The following CDKL2 variants were observed in gnomAD, a reference collection of about 807,000 sequenced individuals.
CDKL2 encodes cyclin dependent kinase like 2, also known as cyclin-dependent kinase-like 2.
In CDKL2, 64 loss-of-function variants were observed where a neutral mutation model predicts 63.9. That is an observed-to-expected ratio of 1.00 (90% CI 0.82 to 1.23). The LOEUF is 1.23. Ranked by LOEUF, CDKL2 falls within the 50% of genes most tolerant of loss-of-function variation. The pLI is 0.00. For missense variants in CDKL2, 656 were observed against 668.0 expected (o/e 0.98, Z 0.20); for synonymous variants, 211 against 229.2 (o/e 0.92, Z 0.72).
chr4:75,613,768 A>G (rs1213124745), intron 3 of CDKL2, among the ~76,000 whole-genome samples: 3 of 152,162 alleles, frequency 2.0e-5, no homozygotes, highest in Non-Finnish European at 4.4e-5. Flanking sequence ...AAAGAACAGA[A>G]AATAGAGCCA....
intron 2 of CDKL2, among the ~76,000 whole-genome samples, chr4:75,621,357 A>G (rs562463430): frequency 1.3e-5 from 2 of 152,028 alleles, no homozygotes; most frequent in South Asian, 4.1e-4. Context: ...ACCAAAGAGA[A>G]AACCTTAAAA....
At position 75,598,061 on chromosome 4, in the gene CDKL2, A is replaced by G; in HGVS notation, c.1020+16T>C. On this transcript the variant is annotated intron_variant, in intron 8 of 13. Coordinates refer to ENST00000307465, the MANE Select transcript of CDKL2 (RefSeq NM_001330724.2). ...ATAAGTATATTAAATCTAAAATGTG[A>G]AACATGAACATTTACCTGTACCACA... 1 of 1,444,582 alleles carries G rather than the reference A, an allele frequency of 6.9e-7. No homozygotes were observed. Among genetic ancestry groups the G allele is most frequent in the South Asian group, 1.4e-5 (1 of 72,316 alleles). The allele number at this position is 1,444,582 out of a possible 1,614,324, so 89.5% of individuals were successfully genotyped here.
Position 75,607,197 on chromosome 4 carries a change from A to C in CDKL2, c.528T>G (p.Asp176Glu). The change falls in exon 4 of 14, where the codon GAT (aspartate) becomes GAG (glutamate). Residue 176 changes from aspartate (D) to glutamate (E), a missense_variant. Physicochemically the swap from Asp to Glu is conservative, Grantham distance 45. Coordinates refer to ENST00000307465, the MANE Select transcript of CDKL2 (RefSeq NM_001330724.2). ...WYRAPELLVGDVKYGKAVDVW... is the reference protein window; with the variant it reads ...WYRAPELLVGEVKYGKAVDVW... Reference sequence around the variant, plus strand: ...TGATGTCTTACTTGCCATACTTGACATCACCAACCAATAGTTCTGGAGCTC... The same window carrying C: ...TGATGTCTTACTTGCCATACTTGACCTCACCAACCAATAGTTCTGGAGCTC... 1 of 1,608,440 alleles carries C rather than the reference A, an allele frequency of 6.2e-7. No individual in the cohort carries two copies. Among genetic ancestry groups the C allele is most frequent in the Non-Finnish European group, 8.5e-7 (1 of 1,176,556 alleles).
rs71657365 is a variant in CDKL2 at position 75,599,548 on chromosome 4, CAAAAA to C, written c.884+728_884+732del. 5.2e-3 allele frequency among the ~76,000 whole-genome samples: 360 copies of C among 69,652 alleles called. 1 individual carries two copies. Among genetic ancestry groups the C allele is most frequent in the African/African-American group, 0.018 (314 of 17,832 alleles). 45.7% of individuals were successfully genotyped at this position (69,652 alleles called of 152,430 possible). ...TGCACTCCAGCCTGGGCAACAAGAG[CAAAAA>C]AAAAAAAAAAAAAAAAAGAAACTAC... On this transcript the variant is annotated intron_variant, in intron 7 of 13. Transcript: ENST00000307465.
chr4:75,605,082 G>A (rs1032044240), intron 5 of CDKL2, among the ~76,000 whole-genome samples: 17 of 152,060 alleles, frequency 1.1e-4, no homozygotes, highest in African/African-American at 4.1e-4. Context: ...GGCTGGGCGC[G>A]GTGGCTCACG....
intron 9 of CDKL2, 43 bp from the exon 10 acceptor site, chr4:75,596,383 T>C (rs374821927): frequency 8.0e-7 from 1 of 1,244,702 alleles, no homozygotes; most frequent in South Asian, 1.2e-5. Context: ...GAACCAGCAA[T>C]AATTATTTTT....
At chr4:75,611,658 T>TC (rs1560588426) in intron 3 of CDKL2, among the ~76,000 whole-genome samples, 1 of 150,962 alleles carries the variant, frequency 6.6e-6, no homozygotes, top group Non-Finnish European at 1.5e-5. Context: ...ACCACCTTTT[T>TC]TTTTTTTTTT....
At chr4:75,603,512 C>T (rs1729289706) in intron 6 of CDKL2, among the ~76,000 whole-genome samples, 2 of 149,920 alleles carry the variant, frequency 1.3e-5, no homozygotes, top group Admixed American at 6.6e-5. Flanking sequence ...GGGCGGATCA[C>T]GAGGTCAGGA....
rs1728242967 is a variant in CDKL2, at chr4:75,581,077, G to C, written c.*23+733C>G. On this transcript the variant is annotated intron_variant, in intron 13 of 13. Coordinates refer to ENST00000307465, the MANE Select transcript of CDKL2 (RefSeq NM_001330724.2). ...GTATAGCACTGATCTCTCTTTATTG[G>C]GAAAAATATTGCCAAGTATAATCAT... Among the ~76,000 whole-genome samples the C allele has an allele frequency of 2.6e-5, 4 of 152,174 alleles. No homozygotes were observed. The South Asian group carries it at 8.3e-4, about 32-fold the overall frequency.
intron 12 of CDKL2, among the ~76,000 whole-genome samples, chr4:75,582,100 G>A (rs1023310709): frequency 6.6e-6 from 1 of 152,178 alleles, no homozygotes; most frequent in African/African-American, 2.4e-5. Context: ...CTGAGTGGAT[G>A]TTATTCTTTG....
chr4:75,583,705 G>A (rs931909541), intron 12 of CDKL2, among the ~76,000 whole-genome samples: 4 of 152,066 alleles, frequency 2.6e-5, no homozygotes, highest in Non-Finnish European at 1.5e-5. Context: ...CAAAACCAAC[G>A]TCTTTCCTGG....
At chr4:75,625,759 T>A in intron 2 of CDKL2, 62 bp downstream of exon 2, 1 of 1,240,042 alleles carries the variant, frequency 8.1e-7, no homozygotes, top group South Asian at 1.4e-5. Context: ...TTGTATTTCT[T>A]CTTATTGCCA....
intron 3 of CDKL2, 25 bp downstream of exon 3, chr4:75,614,230 C>G (rs760466434): frequency 6.9e-7 from 1 of 1,448,262 alleles, no homozygotes; most frequent in Non-Finnish European, 9.5e-7. Context: ...TGTGATAAAG[C>G]AAATTATTTA....
chr4:75,596,186 T>C, intron 10 of CDKL2, 61 bp downstream of exon 10: 4 of 983,424 alleles, frequency 4.1e-6, no homozygotes, highest in Non-Finnish European at 4.8e-6. Flanking sequence ...ATATTTAATT[T>C]TAATAAAAGT....
chr4:75,591,848 G>A lies in CDKL2; in HGVS notation c.1618C>T (p.Leu540=). ...TGTAATGTAATACTGGGGGTGTGCA[G>A]GTCAATAGCAGCCAGAGAAGGAATT... ...SRIPSLAAID[L]HTPSITLHQV... is the part of the protein sequence containing the mutation. Residue 540 remains leucine, a synonymous_variant, in exon 12 of 14, where the codon CTG becomes TTG. Transcript: ENST00000307465. The A allele has an allele frequency of 6.5e-7, 1 of 1,535,726 alleles. No individual in the cohort carries two copies. Among genetic ancestry groups the A allele is most frequent in the Non-Finnish European group, 8.7e-7 (1 of 1,146,668 alleles).
intron 12 of CDKL2, among the ~76,000 whole-genome samples, chr4:75,584,886 T>C (rs757882516): frequency 5.3e-5 from 8 of 152,150 alleles, no homozygotes; most frequent in Non-Finnish European, 1.0e-4. Flanking sequence ...CAGTTGACCA[T>C]AGGTAACTGA....
chr4:75,618,674 C>T (rs1379551014), intron 2 of CDKL2, among the ~76,000 whole-genome samples: 1 of 152,162 alleles, frequency 6.6e-6, no homozygotes, highest in African/African-American at 2.4e-5. Context: ...AGAGAGTTAA[C>T]CTCGGGACTC....
chr4:75,614,474 C>G (rs1729842807), intron 2 of CDKL2, 25 bp from the exon 3 acceptor site: 2 of 1,468,744 alleles, frequency 1.4e-6, no homozygotes, highest in East Asian at 2.3e-5. Flanking sequence ...TGCAAAATAG[C>G]TGTTATTTAA....
chr4:75,580,715 T>C (rs1276633416), intron 13 of CDKL2, among the ~76,000 whole-genome samples: 16 of 149,450 alleles, frequency 1.1e-4, no homozygotes, highest in Non-Finnish European at 8.9e-5. Context: ...TTTTCTTTTT[T>C]TTTGAGACGG....
Sources: allele counts gnomAD v4.1 joint callset (sites outside exome capture counted in the v4.1 genomes callset), GRCh38; gene constraint gnomAD v4.1.1; transcripts MANE v1.5; gene names NCBI Gene and HGNC (gene_info 2026-07-23, HGNC 2026-07-21).